Variants in NIPBL observed in about 807,000 individuals in gnomAD.
The protein encoded by NIPBL is nipped-B-like protein.
In NIPBL, 19 loss-of-function variants were observed where a neutral mutation model predicts 321.8. The observed-to-expected ratio is 0.06, with a 90% confidence interval of 0.04 to 0.09. NIPBL has a LOEUF of 0.09. NIPBL is among the 10% of genes least tolerant of loss of function. NIPBL has a pLI of 1.00. For missense variants in NIPBL, 2,210 were observed against 3,327.0 expected (o/e 0.66, Z 8.26); for synonymous variants, 1,106 against 1,114.1 (o/e 0.99, Z 0.14).
chr5:37,042,319 C>G (rs1472855872), intron 34 of NIPBL, among the ~76,000 whole-genome samples: 1 of 151,752 alleles, frequency 6.6e-6, no homozygotes, highest in Non-Finnish European at 1.5e-5. Context: ...CCTATAGTCC[C>G]AGCTCCTCGA....
intron 1 of NIPBL, among the ~76,000 whole-genome samples, chr5:36,949,197 A>G (rs1004319354): frequency 2.0e-5 from 3 of 151,902 alleles, no homozygotes; most frequent in African/African-American, 7.2e-5. Flanking sequence ...AAGTTGTCCA[A>G]GGTTATGTAG....
intron 1 of NIPBL, among the ~76,000 whole-genome samples, chr5:36,925,307 T>C (rs1432560144): frequency 6.6e-6 from 1 of 152,026 alleles, no homozygotes; most frequent in African/African-American, 2.4e-5. Context: ...TCACTCTTGT[T>C]GCCCAGGCTG....
intron 1 of NIPBL, among the ~76,000 whole-genome samples, chr5:36,889,068 A>G (rs158792): frequency 0.14 from 21,588 of 152,118 alleles, 1,902 homozygotes; most frequent in East Asian, 0.31. Flanking sequence ...ATTGTTGAAT[A>G]AATGAATTTG....
intron 38 of NIPBL, 140 bp downstream of exon 38, chr5:37,046,339 G>A: frequency 4.9e-6 from 3 of 611,192 alleles, no homozygotes; most frequent in Non-Finnish European, 8.8e-6. Context: ...GTAGGTCTGA[G>A]GATTAAAACA....
At position 36,907,755 on chromosome 5, in the gene NIPBL, T is replaced by A. The variant is rs576877186; in HGVS notation, c.-80+30577T>A. Among the ~76,000 whole-genome samples, 22 of 152,258 alleles carry A rather than the reference T, an allele frequency of 1.4e-4. No homozygotes were observed. The South Asian group carries it at 3.3e-3, about 23-fold the overall frequency. On this transcript the variant is annotated intron_variant, in intron 1 of 46. Coordinates refer to ENST00000282516, the MANE Select transcript of NIPBL (RefSeq NM_133433.4). ...AATAAAAATTTAAAAACCTTAGTCT[T>A]CTCAGAAATGCCACTGAGGAAAAGG...
intron 1 of NIPBL, among the ~76,000 whole-genome samples, chr5:36,923,409 G>T (rs1439408470): frequency 6.6e-6 from 1 of 152,140 alleles, no homozygotes; most frequent in Non-Finnish European, 1.5e-5. Context: ...TCATGGATAA[G>T]TTGAGGACAT....
chr5:36,966,313 C>G (rs896210082), intron 6 of NIPBL, among the ~76,000 whole-genome samples: 3 of 151,970 alleles, frequency 2.0e-5, no homozygotes, highest in Admixed American at 6.6e-5. Flanking sequence ...ATTTCATATT[C>G]TAAACTCCAC....
intron 1 of NIPBL, among the ~76,000 whole-genome samples, chr5:36,926,421 T>TA: frequency 6.6e-6 from 1 of 152,206 alleles, no homozygotes; most frequent in East Asian, 1.9e-4. Context: ...CCCATATAAG[T>TA]GCCGCCTTGG....
rs558946712 is a variant in NIPBL at position 36,906,626 on chromosome 5, CCTAA to C, written c.-80+29452_-80+29455del. Among the ~76,000 whole-genome samples the C allele has an allele frequency of 9.7e-4, 148 of 152,220 alleles. 1 individual carries two copies. The highest frequency in any genetic ancestry group is 3.5e-3 in the African/African-American group (144 of 41,544). On this transcript the variant is annotated intron_variant, in intron 1 of 46. Transcript: ENST00000282516. ...AAATTTAATCAACTGTGTAGACTGT[CCTAA>C]CTACCTTAATCAAGTAAAAGAATTT...
intron 1 of NIPBL, among the ~76,000 whole-genome samples, chr5:36,918,812 T>C (rs1367476208): frequency 6.6e-6 from 1 of 152,222 alleles, no homozygotes; most frequent in African/African-American, 2.4e-5. Flanking sequence ...GTTCTGTTTA[T>C]ATGATGGATT....
At chr5:36,909,407 T>C (rs1455497255) in intron 1 of NIPBL, among the ~76,000 whole-genome samples, 1 of 152,194 alleles carries the variant, frequency 6.6e-6, no homozygotes, top group African/African-American at 2.4e-5. Context: ...TGTTCCAAGA[T>C]TGATGAAATT....
intron 1 of NIPBL, among the ~76,000 whole-genome samples, chr5:36,918,487 TC>T (rs2149554615): frequency 6.6e-6 from 1 of 152,252 alleles, no homozygotes; most frequent in East Asian, 1.9e-4. Context: ...CAATTTGACT[TC>T]CTCTTTTCCT....
At chr5:36,997,547 C>T (rs1474242273) in intron 11 of NIPBL, among the ~76,000 whole-genome samples, 1 of 152,128 alleles carries the variant, frequency 6.6e-6, no homozygotes, top group African/African-American at 2.4e-5. Context: ...GCCATGGACC[C>T]TGTTATATCT....
Position 37,046,219 on chromosome 5 carries a change from T to C in NIPBL, c.6589+20T>C, listed in dbSNP as rs751260064. ...GTCTAGGTAAGTCTAAATTTCTTTA[T>C]AATTTGTAGCTATTTGAGAGGGATA... On this transcript the variant is annotated intron_variant, in intron 38 of 46. Transcript: ENST00000282516. The C allele has an allele frequency of 1.5e-6, 2 of 1,341,486 alleles. No individual in the cohort carries two copies. The allele number at this position is 1,341,486 out of a possible 1,614,324, so 83.1% of individuals were successfully genotyped here. A position where few individuals can be genotyped will look rare whatever the true frequency, so the allele number is the denominator to read the frequency against.
At chr5:37,009,026 C>T (rs577331776) in intron 20 of NIPBL, among the ~76,000 whole-genome samples, 63 of 152,240 alleles carry the variant, frequency 4.1e-4, no homozygotes, top group African/African-American at 1.5e-3. Flanking sequence ...GCATGCTCAG[C>T]GGCATCCCTG....
At chr5:37,052,334 CCT>C (rs1561215721) in intron 41 of NIPBL, 30 bp from the exon 42 acceptor site, 1 of 1,562,630 alleles carries the variant, frequency 6.4e-7, no homozygotes, top group East Asian at 2.2e-5. Context: ...TTTTAATTTC[CCT>C]GACAAAAATG....
At chr5:36,944,290 G>A (rs375181887) in intron 1 of NIPBL, among the ~76,000 whole-genome samples, 154 of 152,262 alleles carry the variant, frequency 1.0e-3, no homozygotes, top group African/African-American at 3.4e-3. Context: ...AGATCAGTAT[G>A]CAGATGACAC....
rs530302937 is a variant in NIPBL, at chr5:37,053,885, T to C, written c.7263+1319T>C. Among the ~76,000 whole-genome samples, 4 of 152,314 alleles carry C rather than the reference T, an allele frequency of 2.6e-5. No individual in the cohort carries two copies. The South Asian group carries it at 8.3e-4, about 32-fold the overall frequency. On this transcript the variant is annotated intron_variant, in intron 42 of 46. Coordinates refer to ENST00000282516, the MANE Select transcript of NIPBL (RefSeq NM_133433.4). Reference sequence around the variant, plus strand: ...CCCACACAGAGCACGCATGAACCTATGTGTATAGCAACTTTTAAAAGAACA... The same window carrying C: ...CCCACACAGAGCACGCATGAACCTACGTGTATAGCAACTTTTAAAAGAACA...
rs1421206584 is a variant in NIPBL at position 37,001,035 on chromosome 5, G to T, written c.3621G>T (p.Glu1207Asp). The change falls in exon 14 of 47, where the codon GAG becomes GAT. Residue 1207 changes from glutamate to aspartate, a missense_variant. By Grantham distance (45) the Glu-to-Asp change is conservative. Transcript: ENST00000282516. ...STFKRFTASI[E>D]NILDNLEDMD... ...TTAAGAGATTCACAGCCTCAATAGAGAATATTTTGGATAATTTGGAAGATA... is the reference window on the plus strand; with the variant it reads ...TTAAGAGATTCACAGCCTCAATAGATAATATTTTGGATAATTTGGAAGATA... 5.6e-6 allele frequency: 9 copies of T among 1,611,660 alleles called. No homozygotes were observed. The highest frequency in any genetic ancestry group is 8.5e-7 in the Non-Finnish European group (1 of 1,178,770).
Sources: gnomAD v4.1 joint callset for allele counts (sites outside exome capture counted in the v4.1 genomes callset) on GRCh38, gnomAD v4.1.1 for gene constraint, MANE v1.5 for transcripts, NCBI Gene and HGNC (gene_info 2026-07-23, HGNC 2026-07-21) for gene names.